NEK11: variants seen among roughly 807,000 people sequenced by gnomAD.
NEK11 encodes the protein NIMA related kinase 11, also known as serine/threonine-protein kinase Nek11.
In NEK11, 72 loss-of-function variants were observed where a neutral mutation model predicts 80.7. The observed-to-expected ratio is 0.89, with a 90% CI of 0.74 to 1.08. NEK11 has a LOEUF of 1.08. Among genes scored for constraint, NEK11 ranks in the 50% least tolerant of loss-of-function variants. The pLI, the probability that NEK11 is intolerant of heterozygous loss-of-function variation, is 0.00. For synonymous variants in NEK11, 251 were observed against 260.7 expected, an observed-to-expected ratio of 0.96 and a Z score of 0.36; for missense variants, 764 against 763.6, an observed-to-expected ratio of 1.00 and a Z score of -0.01.
intron 14 of NEK11, among the ~76,000 whole-genome samples, chr3:131,225,163 A>G (rs2095154009): frequency 6.6e-6 from 1 of 152,186 alleles, no homozygotes; most frequent in African/African-American, 2.4e-5. Flanking sequence ...GTGCCATTTA[A>G]AAAATCTTTT....
chr3:131,330,138 C>G (rs2097051512), intron 17 of NEK11: 1 of 152,074 alleles, frequency 6.6e-6, no homozygotes. Flanking sequence ...ACTAATTGAT[C>G]TGATTATGAA....
chr3:131,066,262 G>T (rs1389271), intron 3 of NEK11, among the ~76,000 whole-genome samples: 138,449 of 152,270 alleles, frequency 0.91, 63,475 homozygotes, highest in Non-Finnish European at 0.95. Context: ...TGTTTAATCA[G>T]CAGTTCTTCA....
At chr3:131,099,452 T>A (rs1300445579) in intron 4 of NEK11, among the ~76,000 whole-genome samples, 2 of 152,212 alleles carry the variant, frequency 1.3e-5, no homozygotes, top group African/African-American at 4.8e-5. Flanking sequence ...CTATTCAGGC[T>A]CTTTTTTGGT....
At chr3:131,054,047 C>T (rs183543903) in intron 3 of NEK11, among the ~76,000 whole-genome samples, 2 of 152,280 alleles carry the variant, frequency 1.3e-5, no homozygotes, top group Admixed American at 1.3e-4. Flanking sequence ...CGGTTTAGAG[C>T]TCTTATTAAG....
intron 17 of NEK11, among the ~76,000 whole-genome samples, chr3:131,339,602 G>A (rs1433928515): frequency 2.0e-5 from 3 of 152,174 alleles, no homozygotes; most frequent in African/African-American, 7.2e-5. Context: ...AAAGTGTGAT[G>A]GTGGGGGTAC....
At chr3:131,307,408 A>T (rs1442734278) in intron 17 of NEK11, among the ~76,000 whole-genome samples, 1 of 152,242 alleles carries the variant, frequency 6.6e-6, no homozygotes, top group Non-Finnish European at 1.5e-5. Context: ...CTCTTTGTCA[A>T]AAGGATTTGA....
rs1339483245 is a variant in NEK11 at position 131,173,096 on chromosome 3, T to C, written c.1399+2209T>C. ...CTGGAAAACTCATGAATAATCCACC[T>C]GTTGTTTAGCATATAATCAAAAAAC... On this transcript the variant is annotated intron_variant, in intron 14 of 17. Transcript: ENST00000383366. Among the ~76,000 whole-genome samples the C allele has an allele frequency of 2.0e-5, 3 of 152,224 alleles. No homozygotes were observed. In the East Asian group the frequency reaches 5.8e-4, roughly 29 times the overall value.
chr3:131,028,204 AT>A, intron 2 of NEK11, among the ~76,000 whole-genome samples: 1 of 152,348 alleles, frequency 6.6e-6, no homozygotes, highest in East Asian at 1.9e-4. Context: ...AACTTAACTG[AT>A]TCATACATTT....
rs4044352 is a variant in NEK11, at chr3:131,245,301, T to TTGTGTGTGTGTGTGTGTGTGTGTGTG, written c.1621+1807_1621+1832dup. Among the ~76,000 whole-genome samples, 743 of 140,744 alleles carry TTGTGTGTGTGTGTGTGTGTGTGTGTG rather than the reference T, an allele frequency of 5.3e-3. 7 individuals are homozygous for TTGTGTGTGTGTGTGTGTGTGTGTGTG. Among genetic ancestry groups the TTGTGTGTGTGTGTGTGTGTGTGTGTG allele is most frequent in the African/African-American group, 0.019 (681 of 35,268 alleles). 92.3% of individuals were successfully genotyped at this position (140,744 alleles called of 152,430 possible). On this transcript the variant is annotated intron_variant, in intron 16 of 17. Transcript: ENST00000383366. ...TTTTTTGTGGTTGAATAGTATTCCA[T>TTGTGTGTGTGTGTGTGTGTGTGTGTG]TGTGTGTGTGTGTGTGTGTGTGTGT...
At chr3:131,325,300 A>ACAATTTACTTAAAGTGTAAAGACAT (rs2096949393) in intron 17 of NEK11, 1 of 151,960 alleles carries the variant, frequency 6.6e-6, no homozygotes, top group Non-Finnish European at 1.5e-5. Context: ...AATAACTTAT[A>ACAATTTACTTAAAGTGTAAAGACAT]CCATTTACTT....
chr3:131,179,046 G>A lies in NEK11; in HGVS notation c.1399+8159G>A, dbSNP rs146539238. Among the ~76,000 whole-genome samples, 21 of 152,268 alleles carry A rather than the reference G, an allele frequency of 1.4e-4. No homozygotes were observed. In the South Asian group the frequency reaches 1.9e-3, roughly 14 times the overall value. ...CATTAAGAGGCAATTCACTCATGAG[G>A]ACTCCCTCCTTATGAATGGGATTAA... On this transcript the variant is annotated intron_variant, in intron 14 of 17. Transcript: ENST00000383366.
At chr3:131,140,684 G>T (rs891927446) in intron 7 of NEK11, among the ~76,000 whole-genome samples, 1 of 152,098 alleles carries the variant, frequency 6.6e-6, no homozygotes, top group Non-Finnish European at 1.5e-5. Flanking sequence ...ATGTCAAAAG[G>T]CTCAATAAAT....
At chr3:131,298,344 G>T (rs1008069141) in intron 17 of NEK11, among the ~76,000 whole-genome samples, 1 of 151,546 alleles carries the variant, frequency 6.6e-6, no homozygotes, top group Non-Finnish European at 1.5e-5. Flanking sequence ...ATTTCATTGA[G>T]CAGTGGTTTG....
At chr3:131,125,867 T>C (rs2083245466) in intron 5 of NEK11, among the ~76,000 whole-genome samples, 1 of 152,250 alleles carries the variant, frequency 6.6e-6, no homozygotes, top group African/African-American at 2.4e-5. Context: ...AAGCATTTGC[T>C]AAGGCTGCCA....
chr3:131,100,460 C>T (rs2078200912), intron 4 of NEK11, among the ~76,000 whole-genome samples: 1 of 152,092 alleles, frequency 6.6e-6, no homozygotes, highest in Non-Finnish European at 1.5e-5. Flanking sequence ...CTGGTGGCTA[C>T]TCAGGAGGCT....
chr3:131,264,147 C>T (rs2095996780), intron 16 of NEK11, among the ~76,000 whole-genome samples: 1 of 152,136 alleles, frequency 6.6e-6, no homozygotes, highest in Non-Finnish European at 1.5e-5. Flanking sequence ...TAAAAATTTT[C>T]TCCCATTCTG....
intron 7 of NEK11, among the ~76,000 whole-genome samples, chr3:131,148,366 C>T (rs1294170602): frequency 6.6e-6 from 1 of 151,930 alleles, no homozygotes; most frequent in African/African-American, 2.4e-5. Context: ...ATTTTAGTAT[C>T]AAACTTGTCC....
At chr3:131,128,196 G>A (rs1560540295) in intron 5 of NEK11, among the ~76,000 whole-genome samples, 2 of 151,896 alleles carry the variant, frequency 1.3e-5, no homozygotes, top group Non-Finnish European at 2.9e-5. Flanking sequence ...TTTACATTAG[G>A]GTTCATTCTT....
At chr3:131,104,820 C>T (rs2078937898) in intron 4 of NEK11, among the ~76,000 whole-genome samples, 1 of 152,122 alleles carries the variant, frequency 6.6e-6, no homozygotes, top group African/African-American at 2.4e-5. Flanking sequence ...GATCTGGAAG[C>T]CCAGGGGAGC....
Sources: gnomAD v4.1 joint callset for allele counts (sites outside exome capture counted in the v4.1 genomes callset) on GRCh38, gnomAD v4.1.1 for gene constraint, MANE v1.5 for transcripts, NCBI Gene and HGNC (gene_info 2026-07-23, HGNC 2026-07-21) for gene names.